The following DYSF variants were observed in gnomAD, a reference collection of about 807,000 sequenced individuals.
DYSF encodes the protein dystrophy-associated fer-1-like 1.
Under a neutral mutation model 274.9 loss-of-function variants are expected in DYSF, and 212 were observed. That is an observed-to-expected ratio of 0.77 (90% CI 0.69 to 0.86). The LOEUF (loss-of-function observed/expected upper bound fraction) is 0.86, where lower values mean the gene tolerates loss of function less well. DYSF is among the 40% of genes least tolerant of loss of function. The pLI, the probability that DYSF is intolerant of heterozygous loss-of-function variation, is 0.00. For missense variants in DYSF, 2,666 were observed against 2,783.2 expected, an observed-to-expected ratio of 0.96 and a Z score of 0.95; for synonymous variants, 1,091 against 1,078.7, an observed-to-expected ratio of 1.01 and a Z score of -0.22.
At chr2:71,589,814 G>T in intron 31 of DYSF, 128 bp downstream of exon 31, 1 of 939,618 alleles carries the variant, frequency 1.1e-6, no homozygotes, top group Non-Finnish European at 1.7e-6. Flanking sequence ...GCTTTTTGGT[G>T]GGTCAGTGCT....
chr2:71,473,043 G>T (rs1312393907), intron 1 of DYSF, among the ~76,000 whole-genome samples: 4 of 152,076 alleles, frequency 2.6e-5, no homozygotes, highest in East Asian at 1.9e-4. Flanking sequence ...CTCCCTTTTT[G>T]GCCACTTCTG....
At chr2:71,616,345 G>A (rs967482118) in intron 40 of DYSF, among the ~76,000 whole-genome samples, 2 of 152,032 alleles carry the variant, frequency 1.3e-5, no homozygotes, top group Admixed American at 6.5e-5. Flanking sequence ...GTTCTCCATG[G>A]TGATGAGGAT....
chr2:71,536,090 T>C (rs945180646), intron 16 of DYSF, among the ~76,000 whole-genome samples: 12 of 152,134 alleles, frequency 7.9e-5, no homozygotes, highest in African/African-American at 2.9e-4. Flanking sequence ...CACCTCCTGC[T>C]AGTTGAGGGG....
rs886043489 is a variant in DYSF at position 71,681,076 on chromosome 2, G to A, written c.6139G>A (p.Glu2047Lys). 8.7e-6 allele frequency: 14 copies of A among 1,614,086 alleles called. No individual in the cohort carries two copies. Among genetic ancestry groups the A allele is most frequent in the Non-Finnish European group, 1.1e-5 (13 of 1,180,046 alleles). The change falls in exon 54 of 56, where the codon GAG becomes AAG. Residue 2047 changes from glutamate to lysine, a missense_variant. This residue lies in a region of DYSF where 1,460 missense variants were observed against 1,502.1 expected (regional missense o/e 0.97). Coordinates refer to ENST00000410020, the MANE Select transcript of DYSF (RefSeq NM_001130987.2). ...GCGGCCTGCTGGCCAGGGCCGGGAT[G>A]AGCCCAACATGAACCCTAAGCTTGA... is the stretch of plus-strand genomic sequence containing the variant. ...EERPAGQGRD[E>K]PNMNPKLEDP...
chr2:71,453,603 T>C, exon 1 of DYSF: 1 of 334,404 alleles, frequency 3.0e-6, no homozygotes, highest in South Asian at 2.5e-5. Context: ...CCCGGAGCCC[T>C]AGTCCAGCCC....
intron 12 of DYSF, among the ~76,000 whole-genome samples, chr2:71,524,604 C>T (rs2087650390): frequency 6.6e-6 from 1 of 152,180 alleles, no homozygotes; most frequent in Non-Finnish European, 1.5e-5. Context: ...AGGCAACTGT[C>T]CAAGGAGTTG....
chr2:71,557,441 G>A (rs1003234138), intron 22 of DYSF, among the ~76,000 whole-genome samples: 3 of 152,200 alleles, frequency 2.0e-5, no homozygotes, highest in Non-Finnish European at 4.4e-5. Flanking sequence ...GGGCGGCCCC[G>A]AGGGTCTCTG....
chr2:71,654,973 C>T (rs1215212500), intron 42 of DYSF, among the ~76,000 whole-genome samples: 2 of 151,992 alleles, frequency 1.3e-5, no homozygotes, highest in Non-Finnish European at 2.9e-5. Flanking sequence ...CACGCCTGTA[C>T]TCCCAGCTAC....
intron 14 of DYSF, among the ~76,000 whole-genome samples, chr2:71,530,421 G>A (rs1052116113): frequency 1.3e-5 from 2 of 152,204 alleles, no homozygotes; most frequent in African/African-American, 4.8e-5. Flanking sequence ...GTCCCTGCCA[G>A]CATCTTTGAT....
intron 17 of DYSF, among the ~76,000 whole-genome samples, chr2:71,546,455 G>A (rs1238578100): frequency 6.6e-6 from 1 of 152,224 alleles, no homozygotes; most frequent in Non-Finnish European, 1.5e-5. Flanking sequence ...GGCAAGACCT[G>A]ACACTAACCT....
chr2:71,602,890 C>A, intron 36 of DYSF, 85 bp downstream of exon 36: 1 of 1,526,156 alleles, frequency 6.6e-7, no homozygotes, highest in South Asian at 1.2e-5. Context: ...TGGAGCCTTC[C>A]AGGTTCCTGG....
chr2:71,656,032 C>A lies in DYSF; in HGVS notation c.4627-130C>A. 3 of 1,238,982 alleles carry A rather than the reference C, an allele frequency of 2.4e-6. No individual in the cohort carries two copies. In the East Asian group the frequency reaches 7.0e-5, roughly 29 times the overall value. 76.7% of individuals were successfully genotyped at this position (1,238,982 alleles called of 1,614,324 possible). A position where few individuals can be genotyped will look rare whatever the true frequency, so the allele number is the denominator to read the frequency against. The stretch of plus-strand genomic sequence containing the variant: ...TCACTTTCCCTCCTTTTCTTCTTCT[C>A]TCTTCCTTCTCTCTCTTTATTCACT... On this transcript the variant is annotated intron_variant, in intron 42 of 55. Coordinates refer to ENST00000410020, the MANE Select transcript of DYSF (RefSeq NM_001130987.2).
chr2:71,614,903 A>C (rs574121002), intron 40 of DYSF, among the ~76,000 whole-genome samples: 1 of 152,128 alleles, frequency 6.6e-6, no homozygotes, highest in Non-Finnish European at 1.5e-5. Context: ...AGCTAAACTC[A>C]GTGCTAGTGC....
chr2:71,644,090 C>T lies in DYSF; in HGVS notation c.4626+27C>T, dbSNP rs201783185. 2.2e-5 allele frequency: 35 copies of T among 1,581,316 alleles called. No individual in the cohort carries two copies. The Admixed American group carries it at 3.5e-4, about 16-fold the overall frequency. On this transcript the variant is annotated intron_variant, in intron 42 of 55. Transcript: ENST00000410020. ...TAAGGCCTCTCTTCAGTCTGACAGT[C>T]GGTGTGTGTGTGCGTACTGGGCAGT...
chr2:71,656,825 T>A (rs1281157950), intron 43 of DYSF, among the ~76,000 whole-genome samples: 1 of 152,062 alleles, frequency 6.6e-6, no homozygotes, highest in African/African-American at 2.4e-5. Flanking sequence ...TTCAGTTACC[T>A]CCTCCTGGGT....
At chr2:71,585,817 C>T (rs1312474422) in intron 30 of DYSF, among the ~76,000 whole-genome samples, 1 of 152,078 alleles carries the variant, frequency 6.6e-6, no homozygotes, top group Non-Finnish European at 1.5e-5. Flanking sequence ...CAGATGGGTG[C>T]TCGCAATGTA....
intron 4 of DYSF, among the ~76,000 whole-genome samples, chr2:71,507,360 C>T (rs11675118): frequency 0.47 from 72,053 of 152,184 alleles, 18,713 homozygotes; most frequent in Middle Eastern, 0.62. Flanking sequence ...CCACTCAGAC[C>T]GCTTGATTTA....
chr2:71,613,517 C>T, intron 40 of DYSF, 107 bp downstream of exon 40: 1 of 1,000,936 alleles, frequency 1.0e-6, no homozygotes. Flanking sequence ...CCTCTATACA[C>T]ATCCCCTTCT....
chr2:71,633,379 A>G (rs762079285), intron 41 of DYSF, among the ~76,000 whole-genome samples: 56 of 152,188 alleles, frequency 3.7e-4, no homozygotes, highest in Non-Finnish European at 5.7e-4. Flanking sequence ...CAGGACATGA[A>G]AGAATTAGAG....
Sources: gnomAD v4.1 joint callset for allele counts (sites outside exome capture counted in the v4.1 genomes callset) on GRCh38, gnomAD v4.1.1 for gene constraint, gnomAD v4.1.1 regional missense constraint, MANE v1.5 for transcripts, NCBI Gene and HGNC (gene_info 2026-07-23, HGNC 2026-07-21) for gene names.